The following SF3A2 variants were observed in gnomAD, a reference collection of about 807,000 sequenced individuals.
SF3A2 encodes the protein splicing factor 3a subunit 2, also known as SAP 62.
In SF3A2, 5 loss-of-function variants were observed where a neutral mutation model predicts 31.1. The observed-to-expected ratio is 0.16, with a 90% CI of 0.08 to 0.34. The LOEUF (loss-of-function observed/expected upper bound fraction) is 0.34. Ranked by LOEUF, SF3A2 falls within the 10% of genes least tolerant of loss-of-function variation. The probability of loss-of-function intolerance (pLI) is 1.00; values close to 1 mark genes in which losing one functional copy is unlikely to be tolerated. For missense variants in SF3A2, 577 were observed against 643.9 expected (o/e 0.90, Z 1.13); for synonymous variants, 365 against 263.7 (o/e 1.38, Z -3.72).
At position 2,246,731 on chromosome 19, in the gene SF3A2, C is replaced by T. The variant is rs777525456; in HGVS notation, c.356-22C>T. 17 of 1,613,698 alleles carry T rather than the reference C, an allele frequency of 1.1e-5. 1 individual carries two copies. The highest frequency in any genetic ancestry group is 2.2e-5 in the South Asian group (2 of 91,066). On this transcript the variant is annotated intron_variant, in intron 5 of 8. Transcript: ENST00000221494. This position sits in a 1 kb window ranked among gnomAD's most constrained non-coding sequence, Gnocchi z 5.5. ...TTCGGAGAGGACAAGCAGCCGGGACCTGAGAGCTTTCTGTGTTGCAGTGAC... is the reference window on the plus strand; with the variant it reads ...TTCGGAGAGGACAAGCAGCCGGGACTTGAGAGCTTTCTGTGTTGCAGTGAC...
rs1424156174 is a variant in SF3A2 at position 2,245,341 on chromosome 19, C to T, written c.246-105C>T. On this transcript the variant is annotated intron_variant, in intron 4 of 8. Coordinates refer to ENST00000221494, the MANE Select transcript of SF3A2 (RefSeq NM_007165.5). The surrounding 1 kb of genome is among the most constrained non-coding windows in gnomAD (Gnocchi z 4.2). ...CAGGCCCCTGGCCCTCCTCATCTCTCAGCTTGTAGTGAGCTCCAAGGTCAG... is the reference window on the plus strand; with the variant it reads ...CAGGCCCCTGGCCCTCCTCATCTCTTAGCTTGTAGTGAGCTCCAAGGTCAG... The T allele has an allele frequency of 2.0e-5, 16 of 801,256 alleles. No individual in the cohort carries two copies. The highest frequency in any genetic ancestry group is 3.0e-5 in the Non-Finnish European group (15 of 494,580). The allele number at this position is 801,256 out of a possible 1,614,324, so 49.6% of individuals were successfully genotyped here.
Position 2,248,176 on chromosome 19 carries a change from G to GA in SF3A2, c.1025_1026insA (p.Val343GlyfsTer?). 6.8e-7 allele frequency: 1 copy of GA among 1,466,058 alleles called. No homozygotes were observed. The highest frequency in any genetic ancestry group is 9.2e-7 in the Non-Finnish European group (1 of 1,086,896). The allele number at this position is 1,466,058 out of a possible 1,614,324, so 90.8% of individuals were successfully genotyped here. A position where few individuals can be genotyped will look rare whatever the true frequency, so the allele number is the denominator to read the frequency against. ...CCTGGAGTCCACCCTCCAGCCCCCG[G>GA]GGTTCACCCACCAGCCCCCGGAGTC... On this transcript the variant is annotated frameshift_variant, in exon 9 of 9. Coordinates refer to ENST00000221494, the MANE Select transcript of SF3A2 (RefSeq NM_007165.5). LOFTEE classifies it low-confidence loss of function (END_TRUNC).
At chr19:2,240,792 T>C (rs1292007019) in intron 1 of SF3A2, among the ~76,000 whole-genome samples, 1 of 152,252 alleles carries the variant, frequency 6.6e-6, no homozygotes, top group Non-Finnish European at 1.5e-5. Flanking sequence ...CACTAAAATG[T>C]GCCCGGAAAT....
intron 1 of SF3A2, among the ~76,000 whole-genome samples, chr19:2,241,956 G>A (rs570255371): frequency 3.3e-5 from 5 of 152,334 alleles, no homozygotes; most frequent in Non-Finnish European, 5.9e-5. Flanking sequence ...TACCATGCTT[G>A]ATCATTTTCA....
chr19:2,244,493 G>T, intron 2 of SF3A2, 51 bp from the exon 3 acceptor site: 1 of 1,480,726 alleles, frequency 6.8e-7, no homozygotes, highest in Non-Finnish European at 9.4e-7. Flanking sequence ...GGGCCTTGAC[G>T]GCAGCAGGCC....
At chr19:2,241,310 G>A (rs72985490) in intron 1 of SF3A2, among the ~76,000 whole-genome samples, 30 of 152,240 alleles carry the variant, frequency 2.0e-4, no homozygotes, top group Non-Finnish European at 4.1e-4. Context: ...ACGTTCCCCC[G>A]AGCGAGGGCT....
intron 1 of SF3A2, among the ~76,000 whole-genome samples, chr19:2,238,144 C>T (rs1338981458): frequency 2.6e-5 from 4 of 152,198 alleles, no homozygotes; most frequent in Non-Finnish European, 5.9e-5. Context: ...CTGCCTCAAC[C>T]TCTCGAGTAG....
chr19:2,243,526 G>A lies in SF3A2; in HGVS notation c.108G>A (p.Glu36=), dbSNP rs781503291. 2 of 1,552,482 alleles carry A rather than the reference G, an allele frequency of 1.3e-6. No individual in the cohort carries two copies. The highest frequency in any genetic ancestry group is 2.1e-5 in the Admixed American group (1 of 46,888). The part of the protein sequence containing the change: ...RRERLRQLAL[E]TIDINKDPYF... ...AGCGCCTCCGGCAGCTGGCCCTGGA[G>A]ACCATCGACATCAACAAGGTGGGCC... Residue 36 remains glutamate (E), a synonymous_variant, in exon 2 of 9, where the codon GAG becomes GAA. Coordinates refer to ENST00000221494, the MANE Select transcript of SF3A2 (RefSeq NM_007165.5).
chr19:2,247,308 G>C, intron 7 of SF3A2: 1 of 551,834 alleles, frequency 1.8e-6, no homozygotes, highest in East Asian at 3.1e-5. Flanking sequence ...CCAGGCTGCT[G>C]GAGGGCTTCC....
At position 2,246,850 on chromosome 19, in the gene SF3A2, G is replaced by A. The variant is rs908298189; in HGVS notation, c.406-32G>A. ...GGGGGGCGGCCAAAGGCACCCAAGA[G>A]GCGGCTCTGCCACCCGGCCGTGTCC... On this transcript the variant is annotated intron_variant, in intron 6 of 8. Coordinates refer to ENST00000221494, the MANE Select transcript of SF3A2 (RefSeq NM_007165.5). The surrounding 1 kb of genome is among the most constrained non-coding windows in gnomAD (Gnocchi z 5.5). 4 of 1,613,176 alleles carry A rather than the reference G, an allele frequency of 2.5e-6. No homozygotes were observed. The highest frequency in any genetic ancestry group is 2.5e-6 in the Non-Finnish European group (3 of 1,179,818).
intron 1 of SF3A2, among the ~76,000 whole-genome samples, chr19:2,239,895 C>T (rs1247031683): frequency 6.6e-6 from 1 of 152,122 alleles, no homozygotes; most frequent in Non-Finnish European, 1.5e-5. Flanking sequence ...CATTCAGCTT[C>T]CTGTTCTGGG....
intron 1 of SF3A2, among the ~76,000 whole-genome samples, chr19:2,239,962 G>A (rs1216196954): frequency 6.6e-6 from 1 of 152,166 alleles, no homozygotes. Flanking sequence ...ATCTCTTACT[G>A]GGATACCCAT....
intron 1 of SF3A2, among the ~76,000 whole-genome samples, chr19:2,242,350 A>G (rs1049523604): frequency 6.6e-6 from 1 of 152,024 alleles, no homozygotes; most frequent in African/African-American, 2.4e-5. Flanking sequence ...CTGGGGGACA[A>G]CTCGTTTCCT....
At chr19:2,242,551 C>T (rs764925084) in intron 1 of SF3A2, among the ~76,000 whole-genome samples, 3 of 152,236 alleles carry the variant, frequency 2.0e-5, no homozygotes, top group Non-Finnish European at 2.9e-5. Context: ...GGGACATGTT[C>T]ACAGGTCCCA....
rs1434146539 is a variant in SF3A2, at chr19:2,246,643, G to A, written c.356-110G>A. The A allele has an allele frequency of 8.0e-7, 1 of 1,250,916 alleles. No homozygotes were observed. Among genetic ancestry groups the A allele is most frequent in the Non-Finnish European group, 1.1e-6 (1 of 880,584 alleles). The allele number at this position is 1,250,916 out of a possible 1,614,324, so 77.5% of individuals were successfully genotyped here. A position where few individuals can be genotyped will look rare whatever the true frequency, so the allele number is the denominator to read the frequency against. ...TGTCTAATGGTTGCCAGAGCTGCAG[G>A]GCCTCCCCCGGGGTCCCGCTCTCGT... On this transcript the variant is annotated intron_variant, in intron 5 of 8. Transcript: ENST00000221494. This position sits in a 1 kb window ranked among gnomAD's most constrained non-coding sequence, Gnocchi z 5.5.
In SF3A2 at chr19:2,245,684, C is replaced by A; in HGVS notation, c.355+129C>A. 1.4e-6 allele frequency: 1 copy of A among 705,904 alleles called. No individual in the cohort carries two copies. The highest frequency in any genetic ancestry group is 1.7e-5 in the South Asian group (1 of 59,342). The allele number at this position is 705,904 out of a possible 1,614,324, so 43.7% of individuals were successfully genotyped here. A position where few individuals can be genotyped will look rare whatever the true frequency, so the allele number is the denominator to read the frequency against. ...GCCACTGTTTTCCGGCCTTGGTGGCCGTCCCTCACCCACCTGCAGCCTCTG... is the reference window on the plus strand; with the variant it reads ...GCCACTGTTTTCCGGCCTTGGTGGCAGTCCCTCACCCACCTGCAGCCTCTG... On this transcript the variant is annotated intron_variant, in intron 5 of 8. Transcript: ENST00000221494. The surrounding 1 kb of genome is among the most constrained non-coding windows in gnomAD (Gnocchi z 4.2).
At chr19:2,243,344 C>T (rs1247865788) in intron 1 of SF3A2, 38 bp from the exon 2 acceptor site, 1 of 1,448,268 alleles carries the variant, frequency 6.9e-7, no homozygotes, top group East Asian at 2.7e-5. Context: ...GCCCCGAGTT[C>T]TGAGCCATCT....
Position 2,248,593 on chromosome 19 carries a change from T to A in SF3A2, c.*47T>A. On this transcript the variant is annotated 3_prime_UTR_variant, in exon 9 of 9. Transcript: ENST00000221494. ...AAGCCCAGCGCCAGGTGCTCTTGCC[T>A]TTTCCCACTGAGAGAAGGCTGCTCT... is the stretch of plus-strand genomic sequence containing the variant. 20 of 454,232 alleles carry A rather than the reference T, an allele frequency of 4.4e-5. No individual in the cohort carries two copies. Among genetic ancestry groups the A allele is most frequent in the East Asian group, 8.0e-5 (2 of 24,874 alleles). The allele number at this position is 454,232 out of a possible 1,614,324, so 28.1% of individuals were successfully genotyped here.
rs1223403261 is a variant in SF3A2, at chr19:2,248,025, C to G, written c.874C>G (p.Pro292Ala). Residue 292 changes from proline to alanine, a missense_variant, in exon 9 of 9, where the codon CCA becomes GCA. Pro to Ala is a conservative substitution (Grantham distance 27, BLOSUM62 -1). Coordinates refer to ENST00000221494, the MANE Select transcript of SF3A2 (RefSeq NM_007165.5). ...AGCTCCAGGGGTCCACCCCCCGGCC[C>G]CAGTGGTGCATCCCCCTGCATCTGG... Reference protein sequence around the residue: ...PPAPGVHPPAPVVHPPASGVH... With the variant: ...PPAPGVHPPAAVVHPPASGVH... 13 of 977,410 alleles carry G rather than the reference C, an allele frequency of 1.3e-5. No homozygotes were observed. The highest frequency in any genetic ancestry group is 2.0e-5 in the Non-Finnish European group (13 of 638,756). The allele number at this position is 977,410 out of a possible 1,614,324, so 60.5% of individuals were successfully genotyped here. A position where few individuals can be genotyped will look rare whatever the true frequency, so the allele number is the denominator to read the frequency against.
Sources: gnomAD v4.1 joint callset for allele counts (sites outside exome capture counted in the v4.1 genomes callset) on GRCh38, gnomAD v4.1.1 for gene constraint, Gnocchi (gnomAD v3.1) non-coding constraint, MANE v1.5 for transcripts, NCBI Gene and HGNC (gene_info 2026-07-23, HGNC 2026-07-21) for gene names.